Variants in HSF2BP observed in about 807,000 individuals in gnomAD.
HSF2BP encodes the protein heat shock factor 2-binding protein.
HSF2BP carries 35 observed loss-of-function variants against 35.0 expected under a neutral mutation model. That is an observed-to-expected ratio of 1.00 (90% CI 0.76 to 1.32). HSF2BP has a LOEUF of 1.32. Among genes scored for constraint, HSF2BP ranks in the 40% most tolerant of loss-of-function variants. HSF2BP has a pLI of 0.00. For missense variants in HSF2BP, 326 were observed against 321.7 expected, an observed-to-expected ratio of 1.01 and a Z score of -0.10; for synonymous variants, 114 against 117.4, an observed-to-expected ratio of 0.97 and a Z score of 0.18.
At chr21:43,600,592 GA>G (rs2082040165) in intron 7 of HSF2BP, among the ~76,000 whole-genome samples, 2 of 152,160 alleles carry the variant, frequency 1.3e-5, no homozygotes, top group Admixed American at 6.5e-5. Flanking sequence ...TGACTTAACA[GA>G]CTTTAGATTC....
chr21:43,609,044 G>C (rs1601661016), intron 7 of HSF2BP, among the ~76,000 whole-genome samples: 1 of 152,204 alleles, frequency 6.6e-6, no homozygotes, highest in Non-Finnish European at 1.5e-5. Flanking sequence ...ACAGTGGATT[G>C]GATAAAGAAA....
intron 3 of HSF2BP, among the ~76,000 whole-genome samples, chr21:43,652,173 C>G (rs1338018211): frequency 6.6e-6 from 1 of 152,154 alleles, no homozygotes; most frequent in Non-Finnish European, 1.5e-5. Flanking sequence ...GAGGCCAAGG[C>G]GGGCAGATCA....
intron 8 of HSF2BP, among the ~76,000 whole-genome samples, chr21:43,575,177 T>C (rs1244283158): frequency 2.0e-5 from 3 of 152,218 alleles, no homozygotes; most frequent in African/African-American, 4.8e-5. Context: ...GATATTTATA[T>C]CACAGTTCTG....
intron 6 of HSF2BP, among the ~76,000 whole-genome samples, chr21:43,618,546 A>G (rs2082296174): frequency 4.6e-5 from 7 of 152,152 alleles, no homozygotes; most frequent in Admixed American, 4.6e-4. Context: ...AATGGTGCTA[A>G]AACAACTGGA....
At chr21:43,578,104 A>G (rs2081668082) in intron 8 of HSF2BP, among the ~76,000 whole-genome samples, 1 of 152,102 alleles carries the variant, frequency 6.6e-6, no homozygotes, top group Non-Finnish European at 1.5e-5. Flanking sequence ...CTCTCTTCAC[A>G]CGAACGTGCG....
intron 7 of HSF2BP, among the ~76,000 whole-genome samples, chr21:43,603,092 G>A (rs1035664250): frequency 6.6e-6 from 1 of 152,176 alleles, no homozygotes; most frequent in Non-Finnish European, 1.5e-5. Context: ...AACTTTAAAC[G>A]CTGGAGAAAT....
At chr21:43,594,052 T>A (rs904817950) in intron 7 of HSF2BP, among the ~76,000 whole-genome samples, 4 of 152,116 alleles carry the variant, frequency 2.6e-5, no homozygotes, top group Non-Finnish European at 5.9e-5. Context: ...AAAGGACATA[T>A]TACCTATAAA....
chr21:43,636,258 GAAAA>G (rs2082556550), intron 4 of HSF2BP, among the ~76,000 whole-genome samples: 2 of 96,788 alleles, frequency 2.1e-5, no homozygotes, highest in South Asian at 7.1e-4. Context: ...GAAAAGAAAA[GAAAA>G]GAAAAGAAAA....
chr21:43,612,044 C>T (rs911993108), intron 7 of HSF2BP, among the ~76,000 whole-genome samples: 19 of 152,110 alleles, frequency 1.2e-4, no homozygotes, highest in African/African-American at 4.1e-4. Flanking sequence ...GCGGCACTCA[C>T]GAGGGGCAGT....
intron 2 of HSF2BP, 48 bp downstream of exon 2, chr21:43,658,013 T>C (rs2082902059): frequency 6.5e-7 from 1 of 1,535,018 alleles, no homozygotes. Flanking sequence ...GGGGAGCGAA[T>C]GGCGACGGTT....
intron 8 of HSF2BP, among the ~76,000 whole-genome samples, chr21:43,580,629 T>G (rs2081713958): frequency 6.6e-6 from 1 of 152,212 alleles, no homozygotes; most frequent in African/African-American, 2.4e-5. Flanking sequence ...AAAACCACAT[T>G]TTGTAGTAGC....
At chr21:43,594,468 T>C (rs1255908524) in intron 7 of HSF2BP, among the ~76,000 whole-genome samples, 1 of 152,212 alleles carries the variant, frequency 6.6e-6, no homozygotes, top group Non-Finnish European at 1.5e-5. Context: ...CCTTCTACTG[T>C]TTAGGTGAGA....
At chr21:43,574,753 C>T (rs988757340) in intron 8 of HSF2BP, among the ~76,000 whole-genome samples, 9 of 152,202 alleles carry the variant, frequency 5.9e-5, no homozygotes, top group African/African-American at 1.9e-4. Context: ...CACAGGGCCG[C>T]CCTCCATGGG....
rs78441562 is a variant in HSF2BP at position 43,639,545 on chromosome 21, T to G, written c.291+4744A>C. ...ACAGACAGAAAATAAATGCATGAAA[T>G]GATGCTCAACATCATTAGCTGTTAG... On this transcript the variant is annotated intron_variant, in intron 4 of 8. Transcript: ENST00000291560. 8.3e-3 allele frequency among the ~76,000 whole-genome samples: 1,265 copies of G among 152,288 alleles called. 18 individuals carry two copies. Among genetic ancestry groups the G allele is most frequent in the African/African-American group, 0.027 (1,134 of 41,548 alleles).
At chr21:43,468,026 GCA>G in the HSF2BP span, among the ~76,000 whole-genome samples, 71 of 62,234 alleles carry the variant, frequency 1.1e-3, no homozygotes, top group African/African-American at 4.3e-3. Context: ...CATACACACA[GCA>G]CACACCACAC....
chr21:43,646,360 C>A (rs1019511845), intron 3 of HSF2BP, among the ~76,000 whole-genome samples: 5 of 152,100 alleles, frequency 3.3e-5, no homozygotes, highest in African/African-American at 1.2e-4. Flanking sequence ...TTATTTGTAA[C>A]AAAGTTAAAT....
At chr21:43,599,808 G>A (rs1368517761) in intron 7 of HSF2BP, among the ~76,000 whole-genome samples, 8 of 138,294 alleles carry the variant, frequency 5.8e-5, no homozygotes, top group African/African-American at 1.9e-4. Context: ...AAAAAAGGAA[G>A]AAAGAAAATG....
intron 8 of HSF2BP, among the ~76,000 whole-genome samples, chr21:43,586,916 C>T (rs1444956009): frequency 6.6e-6 from 1 of 151,860 alleles, no homozygotes; most frequent in Non-Finnish European, 1.5e-5. Flanking sequence ...TTCTCCTTTT[C>T]CTCGATCTTT....
rs932796588 is a variant in HSF2BP, at chr21:43,578,733, G to A, written c.796+13492C>T. On this transcript the variant is annotated intron_variant, in intron 8 of 8. Transcript: ENST00000291560. ...TACAGCCCCACAGAATGTAAGCAGA[G>A]GTCTCCTACACAGCCTCCCAGGTTA... is the stretch of plus-strand genomic sequence containing the variant. 3.2e-4 allele frequency among the ~76,000 whole-genome samples: 49 copies of A among 152,206 alleles called. 1 individual carries two copies. The highest frequency in any genetic ancestry group is 1.1e-3 in the African/African-American group (44 of 41,526).
Sources: allele counts gnomAD v4.1 joint callset (sites outside exome capture counted in the v4.1 genomes callset), GRCh38; gene constraint gnomAD v4.1.1; transcripts MANE v1.5; gene names NCBI Gene and HGNC (gene_info 2026-07-23, HGNC 2026-07-21).